The following GALNT16 variants were observed in gnomAD, a reference collection of about 807,000 sequenced individuals.
GALNT16 encodes the protein polypeptide N-acetylgalactosaminyltransferase 16.
A neutral mutation model predicts 76.1 loss-of-function variants in GALNT16; 40 were observed. The ratio of observed to expected loss-of-function variants is 0.53; its 90% CI spans 0.41 to 0.68. The LOEUF is 0.68. Ranked by LOEUF, GALNT16 falls within the 30% of genes least tolerant of loss-of-function variation. GALNT16 has a pLI of 0.00. For synonymous variants in GALNT16, 276 were observed against 285.2 expected, an observed-to-expected ratio of 0.97 and a Z score of 0.32; for missense variants, 621 against 731.9, an observed-to-expected ratio of 0.85 and a Z score of 1.75.
the GALNT16 span, chr14:69,380,226 G>GTA: frequency 4.3e-6 from 1 of 230,464 alleles, no homozygotes; most frequent in Admixed American, 5.6e-5. Context: ...AGAAGGGTTA[G>GTA]TATGTGAATG....
rs532442793 is a variant in GALNT16 at position 69,333,299 on chromosome 14, C to G, written c.863+130C>G. Reference sequence around the variant, plus strand: ...AAGTGCTGACTCTGTTCTGGGCCTTCGGACCCTGTATGCAGGGACAGCGAG... The same window carrying G: ...AAGTGCTGACTCTGTTCTGGGCCTTGGGACCCTGTATGCAGGGACAGCGAG... On this transcript the variant is annotated intron_variant, in intron 8 of 14. Transcript: ENST00000448469. The surrounding 1 kb of genome is among the most constrained non-coding windows in gnomAD (Gnocchi z 4.2). 2.6e-5 allele frequency: 18 copies of G among 705,264 alleles called. No homozygotes were observed. In the East Asian group the frequency reaches 4.8e-4, roughly 19 times the overall value. The allele number at this position is 705,264 out of a possible 1,614,324, so 43.7% of individuals were successfully genotyped here. A position where few individuals can be genotyped will look rare whatever the true frequency, so the allele number is the denominator to read the frequency against.
intron 1 of GALNT16, among the ~76,000 whole-genome samples, chr14:69,282,633 A>G (rs550813122): frequency 2.0e-5 from 3 of 150,552 alleles, no homozygotes; most frequent in East Asian, 3.9e-4. Context: ...CTCTAAGTGC[A>G]GGCTTAAGAA....
chr14:69,326,018 C>T lies in GALNT16; in HGVS notation c.559C>T (p.Arg187Trp), dbSNP rs761011578. 7 of 1,613,458 alleles carry T rather than the reference C, an allele frequency of 4.3e-6. No individual in the cohort carries two copies. Among genetic ancestry groups the T allele is most frequent in the African/African-American group, 2.7e-5 (2 of 74,928 alleles). The change falls in exon 5 of 15, where the codon CGG becomes TGG. Residue 187 changes from arginine (R) to tryptophan (W), a missense_variant. Physicochemically the swap from Arg to Trp is moderately radical, Grantham distance 101 (BLOSUM62 -3). Coordinates refer to ENST00000448469, the MANE Select transcript of GALNT16 (RefSeq NM_001168368.2). ...IPKVKCLRND[R>W]REGLIRSRVR... ...CAAGGTCAAGTGCCTGCGCAATGATCGGCGGGAAGGTGAGTCCTTGCACCC... is the reference window on the plus strand; with the variant it reads ...CAAGGTCAAGTGCCTGCGCAATGATTGGCGGGAAGGTGAGTCCTTGCACCC...
chr14:69,368,991 T>C, the GALNT16 span, among the ~76,000 whole-genome samples: 2 of 152,202 alleles, frequency 1.3e-5, no homozygotes, highest in South Asian at 2.1e-4. Flanking sequence ...TGGCCATTCC[T>C]GTAATTTGTT....
At chr14:69,357,037 G>T (rs2045698616), downstream of GALNT16, 1 of 152,192 alleles carries the variant, frequency 6.6e-6, no homozygotes, top group South Asian at 2.1e-4. Context: ...CCTGCTACAT[G>T]CCAAACACTT....
chr14:69,287,294 G>A (rs577525081), intron 1 of GALNT16, among the ~76,000 whole-genome samples: 1 of 152,370 alleles, frequency 6.6e-6, no homozygotes, highest in African/African-American at 2.4e-5. Context: ...CCTGGGGACA[G>A]GAGCCTCAGG....
intron 1 of GALNT16, among the ~76,000 whole-genome samples, chr14:69,306,074 A>G (rs916740822): frequency 2.6e-5 from 4 of 152,144 alleles, no homozygotes; most frequent in African/African-American, 9.7e-5. Context: ...AGTTGACCAT[A>G]TATGGATGGG....
chr14:69,293,899 T>C (rs916022774), intron 1 of GALNT16, among the ~76,000 whole-genome samples: 1 of 151,910 alleles, frequency 6.6e-6, no homozygotes, highest in African/African-American at 2.4e-5. Context: ...ACCCATACTT[T>C]TTTTTTTTTT....
chr14:69,271,816 A>G (rs2044410803), intron 1 of GALNT16, among the ~76,000 whole-genome samples: 1 of 152,242 alleles, frequency 6.6e-6, no homozygotes, highest in South Asian at 2.1e-4. Flanking sequence ...TAGTATCTGA[A>G]TTGAAATCTG....
At chr14:69,377,750 T>A in the GALNT16 span, among the ~76,000 whole-genome samples, 1 of 122,948 alleles carries the variant, frequency 8.1e-6, no homozygotes, top group African/African-American at 3.2e-5. Context: ...GAGGCTGCAG[T>A]GAGGCATGAT....
intron 1 of GALNT16, among the ~76,000 whole-genome samples, chr14:69,315,475 C>T (rs896270559): frequency 6.6e-6 from 1 of 152,222 alleles, no homozygotes; most frequent in Non-Finnish European, 1.5e-5. Flanking sequence ...TCCTTCCTCA[C>T]CATGGCAACA....
intron 7 of GALNT16, 52 bp downstream of exon 7, chr14:69,331,603 G>A (rs1463367841): frequency 2.0e-6 from 2 of 1,024,884 alleles, no homozygotes; most frequent in Admixed American, 1.7e-5. Flanking sequence ...AGGTAGGTGA[G>A]GCTAGGCAGG....
In GALNT16 at chr14:69,344,844, TA is replaced by T. The variant is rs2045541356; in HGVS notation, c.1272-2195del. ...GGCCTCAGTACCCATCTTGTCTCTA[TA>T]GAGAAGGGAAATGTAACACATTGCT... On this transcript the variant is annotated intron_variant, in intron 12 of 14. Coordinates refer to ENST00000448469, the MANE Select transcript of GALNT16 (RefSeq NM_001168368.2). 3.3e-5 allele frequency among the ~76,000 whole-genome samples: 5 copies of T among 152,284 alleles called. No individual in the cohort carries two copies. The South Asian group carries it at 1.0e-3, about 32-fold the overall frequency.
the GALNT16 span, among the ~76,000 whole-genome samples, chr14:69,369,300 CTAAG>C: frequency 6.6e-6 from 1 of 151,918 alleles, no homozygotes; most frequent in Non-Finnish European, 1.5e-5. Flanking sequence ...ATAGTAAGTG[CTAAG>C]TAAATATTTG....
chr14:69,332,420 A>T (rs1319976929), intron 7 of GALNT16: 1 of 152,848 alleles, frequency 6.5e-6, no homozygotes, highest in Non-Finnish European at 1.5e-5. Flanking sequence ...TTCAAGGCTC[A>T]GTAGCCACAT....
the GALNT16 span, chr14:69,380,108 A>G: frequency 6.5e-6 from 1 of 153,216 alleles, no homozygotes; most frequent in Non-Finnish European, 1.5e-5. Flanking sequence ...CAAAAAAAAA[A>G]AAAGCACTCA....
intron 1 of GALNT16, among the ~76,000 whole-genome samples, chr14:69,294,065 AT>A (rs2044722351): frequency 6.6e-6 from 1 of 151,780 alleles, no homozygotes; most frequent in African/African-American, 2.4e-5. Context: ...TAATTTTTGT[AT>A]TTTTAGTAGA....
Position 69,328,481 on chromosome 14 carries a change from C to T in GALNT16, c.600C>T (p.Asp200=), listed in dbSNP as rs572293760. 2.0e-5 allele frequency: 33 copies of T among 1,613,980 alleles called. No homozygotes were observed. The South Asian group carries it at 2.6e-4, about 13-fold the overall frequency. The part of the protein sequence containing the change: ...GLIRSRVRGA[D]VAAATVLTFL... The stretch of plus-strand genomic sequence containing the variant: ...TCCGGTCCCGAGTGCGTGGGGCGGA[C>T]GTGGCTGCAGCTACCGTTCTCACCT... The change falls in exon 6 of 15, where the codon GAC becomes GAT. Residue 200 remains aspartate, a synonymous_variant. Transcript: ENST00000448469.
At chr14:69,385,626 G>C in the GALNT16 span, among the ~76,000 whole-genome samples, 1 of 139,450 alleles carries the variant, frequency 7.2e-6, no homozygotes, top group Admixed American at 7.4e-5. Context: ...GTTCTTTCAA[G>C]CAAAATTCTT....
Sources: allele counts gnomAD v4.1 joint callset (sites outside exome capture counted in the v4.1 genomes callset), GRCh38; gene constraint gnomAD v4.1.1; non-coding constraint Gnocchi (gnomAD v3.1); transcripts MANE v1.5; gene names NCBI Gene and HGNC (gene_info 2026-07-23, HGNC 2026-07-21).